Variants in SCN10A observed in about 807,000 individuals in gnomAD.
The protein encoded by SCN10A is sodium voltage-gated channel alpha subunit 10.
Under a neutral mutation model 170.7 loss-of-function variants are expected in SCN10A, and 162 were observed. The observed-to-expected ratio is 0.95, with a 90% CI of 0.84 to 1.08. SCN10A has a LOEUF of 1.08. Among genes scored for constraint, SCN10A ranks in the 50% least tolerant of loss-of-function variants. SCN10A has a pLI of 0.00. For synonymous variants in SCN10A, 985 were observed against 904.6 expected (o/e 1.09, Z -1.59); for missense variants, 2,527 against 2,436.9 (o/e 1.04, Z -0.78).
chr3:38,791,725 G>A (rs1195343899), intron 3 of SCN10A, among the ~76,000 whole-genome samples: 2 of 152,150 alleles, frequency 1.3e-5, no homozygotes, highest in African/African-American at 2.4e-5. Context: ...CACACACCGT[G>A]GTGAGAATGT....
chr3:38,727,091 T>G, intron 16 of SCN10A, 39 bp from the exon 17 acceptor site: 3 of 1,563,874 alleles, frequency 1.9e-6, no homozygotes, highest in Non-Finnish European at 2.6e-6. Flanking sequence ...GATCAATCTC[T>G]AAGCTGAGCC....
chr3:38,729,468 G>C (rs1021913050), intron 15 of SCN10A, among the ~76,000 whole-genome samples: 3 of 152,030 alleles, frequency 2.0e-5, no homozygotes, highest in Non-Finnish European at 2.9e-5. Flanking sequence ...TGATTTAATT[G>C]ACCAACGAAC....
chr3:38,786,869 A>G (rs1484899117), intron 4 of SCN10A, among the ~76,000 whole-genome samples: 6 of 152,222 alleles, frequency 3.9e-5, no homozygotes, highest in African/African-American at 9.6e-5. Context: ...ATGCTGTTAC[A>G]TTATTCTGAC....
At chr3:38,786,792 G>C (rs1051516773) in intron 4 of SCN10A, among the ~76,000 whole-genome samples, 1 of 152,120 alleles carries the variant, frequency 6.6e-6, no homozygotes, top group Non-Finnish European at 1.5e-5. Context: ...TTTCCCTGCT[G>C]TTCTGGGGTG....
intron 26 of SCN10A, among the ~76,000 whole-genome samples, chr3:38,705,442 G>A (rs962150740): frequency 2.6e-5 from 4 of 152,186 alleles, no homozygotes; most frequent in Admixed American, 1.3e-4. Context: ...GATCTTAGTT[G>A]CAGCTTAATT....
chr3:38,812,305 A>T (rs2064446064), intron 1 of SCN10A, among the ~76,000 whole-genome samples: 1 of 152,232 alleles, frequency 6.6e-6, no homozygotes, highest in Non-Finnish European at 1.5e-5. Context: ...TCTGCAGAGA[A>T]GCCACTAAAG....
At chr3:38,701,063 G>A (rs868485221) in intron 27 of SCN10A, among the ~76,000 whole-genome samples, 5 of 152,304 alleles carry the variant, frequency 3.3e-5, no homozygotes, top group South Asian at 2.1e-4. Flanking sequence ...AATTTTAAAT[G>A]TATAAAATAA....
At chr3:38,803,367 A>G (rs1355084906) in intron 1 of SCN10A, among the ~76,000 whole-genome samples, 2 of 152,196 alleles carry the variant, frequency 1.3e-5, no homozygotes, top group Non-Finnish European at 2.9e-5. Context: ...TTATTGCAGC[A>G]CTATTCACAA....
intron 12 of SCN10A, 65 bp from the exon 13 acceptor site, chr3:38,750,249 C>G (rs776335691): frequency 2.3e-6 from 2 of 867,932 alleles, no homozygotes; most frequent in Non-Finnish European, 3.8e-6. Context: ...AAAGTTGGAT[C>G]ATTCAGCCTC....
rs558786750 is a variant in SCN10A, at chr3:38,786,150, A to T, written c.470+2806T>A. The stretch of plus-strand genomic sequence containing the variant: ...TGGGTATATACCCAAAGGATTATAA[A>T]TTATTCTACTATAAAGATACAAGCA... On this transcript the variant is annotated intron_variant, in intron 4 of 27. Coordinates refer to ENST00000449082, the MANE Select transcript of SCN10A (RefSeq NM_006514.4). Among the ~76,000 whole-genome samples the T allele has an allele frequency of 2.6e-5, 4 of 152,330 alleles. No homozygotes were observed. The East Asian group carries it at 5.8e-4, about 22-fold the overall frequency.
At chr3:38,801,449 A>G (rs1353447166) in intron 1 of SCN10A, among the ~76,000 whole-genome samples, 1 of 152,198 alleles carries the variant, frequency 6.6e-6, no homozygotes, top group Non-Finnish European at 1.5e-5. Context: ...ATTGGACTGA[A>G]CAAGCTTATC....
In SCN10A at chr3:38,701,793, C is replaced by T. The variant is rs555641156; in HGVS notation, c.4657+46G>A. On this transcript the variant is annotated intron_variant, in intron 27 of 27. Transcript: ENST00000449082. Reference sequence around the variant, plus strand: ...GGTTTTAGAAGAGCATCCCAAAGACCCCCAAACAGAGGTGGGGCTTCCCCA... The same window carrying T: ...GGTTTTAGAAGAGCATCCCAAAGACTCCCAAACAGAGGTGGGGCTTCCCCA... 41 of 1,544,330 alleles carry T rather than the reference C, an allele frequency of 2.7e-5. No homozygotes were observed. In the African/African-American group the frequency reaches 3.0e-4, roughly 11 times the overall value.
chr3:38,744,450 TTTG>T (rs1473943402), intron 13 of SCN10A, among the ~76,000 whole-genome samples: 1 of 109,196 alleles, frequency 9.2e-6, no homozygotes, highest in Non-Finnish European at 1.7e-5. Context: ...AGTATTTTTA[TTTG>T]TTTTCTTTTT....
intron 14 of SCN10A, 118 bp from the exon 15 acceptor site, chr3:38,739,806 T>C: frequency 1.2e-6 from 1 of 838,444 alleles, no homozygotes; most frequent in Non-Finnish European, 1.9e-6. Context: ...TTTTGTTCAG[T>C]TGCTATGTTA....
Position 38,698,258 on chromosome 3 carries a change from G to A in SCN10A, c.4962C>T (p.Leu1654=). The A allele has an allele frequency of 6.2e-7, 1 of 1,614,174 alleles. No homozygotes were observed. Among genetic ancestry groups the A allele is most frequent in the Non-Finnish European group, 8.5e-7 (1 of 1,180,022 alleles). ...AGCCGGCCGACGTGGTAATCTGGAA[G>A]AGGCACAGCATGCTGTTGGCGAAGG... ...FQTFANSMLC[L]FQITTSAGWD... Residue 1654 remains leucine, a synonymous_variant, in exon 28 of 28, where the codon CTC becomes CTT. Coordinates refer to ENST00000449082, the MANE Select transcript of SCN10A (RefSeq NM_006514.4).
intron 1 of SCN10A, among the ~76,000 whole-genome samples, chr3:38,812,845 G>A (rs1398610769): frequency 6.6e-6 from 1 of 152,018 alleles, no homozygotes; most frequent in Non-Finnish European, 1.5e-5. Context: ...ACCAGCCTGG[G>A]CAACATGGCG....
At chr3:38,720,560 T>G (rs975001584) in intron 20 of SCN10A, among the ~76,000 whole-genome samples, 4 of 152,006 alleles carry the variant, frequency 2.6e-5, no homozygotes, top group Admixed American at 2.0e-4. Flanking sequence ...GTACTCAAAG[T>G]GAAAGCCTAA....
chr3:38,737,749 T>TCTCTCTCCCTCCCTCCCTCC (rs2063580461), intron 15 of SCN10A, among the ~76,000 whole-genome samples: 1 of 71,548 alleles, frequency 1.4e-5, no homozygotes, highest in Non-Finnish European at 2.8e-5. Context: ...TCCCTCCCTC[T>TCTCTCTCCCTCCCTCCCTCC]CTCTCTCCCT....
intron 25 of SCN10A, among the ~76,000 whole-genome samples, chr3:38,707,750 C>G (rs1160404986): frequency 6.6e-6 from 1 of 152,172 alleles, no homozygotes; most frequent in Admixed American, 6.5e-5. Context: ...CTTCTAGAGT[C>G]ACAGTCCCTC....
Sources: gnomAD v4.1 joint callset for allele counts (sites outside exome capture counted in the v4.1 genomes callset) on GRCh38, gnomAD v4.1.1 for gene constraint, MANE v1.5 for transcripts, NCBI Gene and HGNC (gene_info 2026-07-23, HGNC 2026-07-21) for gene names.